PPM1B: variants seen among roughly 807,000 people sequenced by gnomAD.
PPM1B encodes the protein protein phosphatase, Mg2+/Mn2+ dependent 1B.
Under a neutral mutation model 43.0 loss-of-function variants are expected in PPM1B, and 22 were observed. That is an observed-to-expected ratio of 0.51 (90% CI 0.37 to 0.73). The LOEUF (loss-of-function observed/expected upper bound fraction) is 0.73. Among genes scored for constraint, PPM1B ranks in the 30% least tolerant of loss-of-function variants. The pLI is 0.00. For synonymous variants in PPM1B, 217 were observed against 197.9 expected, an observed-to-expected ratio of 1.10 and a Z score of -0.81; for missense variants, 632 against 584.2, an observed-to-expected ratio of 1.08 and a Z score of -0.84.
At chr2:44,240,789 TGGAG>T (rs1297217875) in intron 5 of PPM1B, among the ~76,000 whole-genome samples, 1 of 143,756 alleles carries the variant, frequency 7.0e-6, no homozygotes, top group Non-Finnish European at 1.5e-5. Context: ...CTCAGTAAAA[TGGAG>T]GGAGCGCTAA....
chr2:44,201,884 A>G lies in PPM1B; in HGVS notation c.685A>G (p.Ile229Val). 1.9e-6 allele frequency: 3 copies of G among 1,614,172 alleles called. No individual in the cohort carries two copies. The highest frequency in any genetic ancestry group is 2.5e-6 in the Non-Finnish European group (3 of 1,180,024). ...TTCTCCAGAGCCTGAGGTTTATGAA[A>G]TTTTAAGAGCAGAAGAGGATGAATT... is the stretch of plus-strand genomic sequence containing the variant. Reference protein sequence around the residue: ...LVSPEPEVYEILRAEEDEFII... With the variant: ...LVSPEPEVYEVLRAEEDEFII... Residue 229 changes from isoleucine to valine, a missense_variant, in exon 2 of 6, where the codon ATT (isoleucine) becomes GTT (valine). Physicochemically the swap from Ile to Val is conservative, Grantham distance 29. Coordinates refer to ENST00000282412, the MANE Select transcript of PPM1B (RefSeq NM_002706.6). This position sits in a 1 kb window ranked among gnomAD's most constrained non-coding sequence, Gnocchi z 5.4.
chr2:44,191,718 C>A (rs1668412546), intron 1 of PPM1B, among the ~76,000 whole-genome samples: 1 of 152,066 alleles, frequency 6.6e-6, no homozygotes, highest in South Asian at 2.1e-4. Flanking sequence ...TACTCTATAA[C>A]CAACAATTCT....
Position 44,201,875 on chromosome 2 carries a change from G to A in PPM1B, c.676G>A (p.Val226Ile), listed in dbSNP as rs1225449388. ...TEQLVSPEPE[V>I]YEILRAEEDE... ...ACAACTTGTTTCTCCAGAGCCTGAG[G>A]TTTATGAAATTTTAAGAGCAGAAGA... Residue 226 changes from valine to isoleucine, a missense_variant, in exon 2 of 6, where the codon GTT becomes ATT. Coordinates refer to ENST00000282412, the MANE Select transcript of PPM1B (RefSeq NM_002706.6). The surrounding 1 kb of genome is among the most constrained non-coding windows in gnomAD (Gnocchi z 5.4). 8 of 1,614,164 alleles carry A rather than the reference G, an allele frequency of 5.0e-6. No homozygotes were observed. Among genetic ancestry groups the A allele is most frequent in the Non-Finnish European group, 6.8e-6 (8 of 1,180,020 alleles).
chr2:44,203,087 T>C (rs1218085084), intron 2 of PPM1B, among the ~76,000 whole-genome samples: 1 of 152,178 alleles, frequency 6.6e-6, no homozygotes, highest in Non-Finnish European at 1.5e-5. Context: ...AGAAAGTTTT[T>C]CAGAAAGGAT....
intron 5 of PPM1B, among the ~76,000 whole-genome samples, chr2:44,228,220 C>G (rs1348322664): frequency 1.5e-5 from 2 of 136,434 alleles, no homozygotes; most frequent in African/African-American, 2.7e-5. Context: ...GAGGGTCTCA[C>G]TCTGTCGTTC....
intron 5 of PPM1B, among the ~76,000 whole-genome samples, chr2:44,219,640 G>C (rs5024498): frequency 2.6e-5 from 4 of 152,144 alleles, no homozygotes; most frequent in African/African-American, 9.7e-5. Context: ...AGGTTCCTCA[G>C]AGTATTAAGA....
chr2:44,195,383 AT>A (rs936379218), intron 1 of PPM1B, among the ~76,000 whole-genome samples: 3 of 150,738 alleles, frequency 2.0e-5, no homozygotes, highest in Non-Finnish European at 4.4e-5. Context: ...TTTTTCCCCA[AT>A]TTTTTTTGGT....
At chr2:44,226,912 A>G (rs1670239340) in intron 5 of PPM1B, among the ~76,000 whole-genome samples, 1 of 149,152 alleles carries the variant, frequency 6.7e-6, no homozygotes, top group African/African-American at 2.4e-5. Context: ...CCCTTCCTGA[A>G]TAGATTAAAA....
chr2:44,220,259 A>AATAT lies in PPM1B; in HGVS notation c.1134+1725_1134+1726insTATA, dbSNP rs886343610. ...TCAACCCTCATGTGTAATCTTTAAA[A>AATAT]ATACATATATATATATATATATACC... On this transcript the variant is annotated intron_variant, in intron 5 of 5. Coordinates refer to ENST00000282412, the MANE Select transcript of PPM1B (RefSeq NM_002706.6). 5.9e-5 allele frequency among the ~76,000 whole-genome samples: 8 copies of AATAT among 134,852 alleles called. No homozygotes were observed. In the East Asian group the frequency reaches 1.8e-3, roughly 30 times the overall value. 88.5% of individuals were successfully genotyped at this position (134,852 alleles called of 152,430 possible).
chr2:44,205,377 G>GTGTGTGTGTGTGTGTGTGTGTGTT (rs1202195520), intron 2 of PPM1B, among the ~76,000 whole-genome samples: 38 of 151,492 alleles, frequency 2.5e-4, no homozygotes, highest in African/African-American at 9.0e-4. Flanking sequence ...GTGTGTGTGT[G>GTGTGTGTGTGTGTGTGTGTGTGTT]TGTAAGTGTC....
chr2:44,213,714 T>C (rs4952703), intron 3 of PPM1B: 140,028 of 152,220 alleles, frequency 0.92, 64,539 homozygotes, highest in East Asian at 1. Flanking sequence ...GCTTTTGAGT[T>C]TCAATGAGTC....
At chr2:44,180,747 A>C (rs1667835980) in intron 1 of PPM1B, among the ~76,000 whole-genome samples, 2 of 151,968 alleles carry the variant, frequency 1.3e-5, no homozygotes, top group Admixed American at 1.3e-4. Flanking sequence ...AGGAGCTAGG[A>C]CTACAGGCGT....
intron 1 of PPM1B, among the ~76,000 whole-genome samples, chr2:44,171,701 G>A (rs917377330): frequency 2.6e-5 from 4 of 151,928 alleles, no homozygotes; most frequent in Non-Finnish European, 5.9e-5. Flanking sequence ...GCGGTGGCGC[G>A]TGCTTGTAAT....
chr2:44,218,072 C>G lies in PPM1B; in HGVS notation c.1070C>G (p.Ala357Gly). Residue 357 changes from alanine (A) to glycine (G), a missense_variant, in exon 4 of 6, where the codon GCT becomes GGT. Physicochemically the swap from Ala to Gly is moderately conservative, Grantham distance 60 (BLOSUM62 0). Coordinates refer to ENST00000282412, the MANE Select transcript of PPM1B (RefSeq NM_002706.6). The stretch of plus-strand genomic sequence containing the variant: ...AATTTGCCTCCTGGGGGAGGTCTTG[C>G]TGGCAAGTAAGTAGAACAAAAAGCT... ...IPNLPPGGGLAGKRNVIEAVY... is the reference protein window; with the variant it reads ...IPNLPPGGGLGGKRNVIEAVY... 6.2e-7 allele frequency: 1 copy of G among 1,607,918 alleles called. No individual in the cohort carries two copies. Among genetic ancestry groups the G allele is most frequent in the Non-Finnish European group, 8.5e-7 (1 of 1,175,574 alleles).
In PPM1B at chr2:44,169,078, G is replaced by T; in HGVS notation, c.-211G>T. 1 of 183,814 alleles carries T rather than the reference G, an allele frequency of 5.4e-6. No homozygotes were observed. The highest frequency in any genetic ancestry group is 1.7e-4 in the East Asian group (1 of 5,758). 11.4% of individuals were successfully genotyped at this position (183,814 alleles called of 1,614,324 possible). A position where few individuals can be genotyped will look rare whatever the true frequency, so the allele number is the denominator to read the frequency against. On this transcript the variant is annotated 5_prime_UTR_variant, in exon 1 of 6. Coordinates refer to ENST00000282412, the MANE Select transcript of PPM1B (RefSeq NM_002706.6). ...GCGGCCGAATCGGCAACGGCGCTAG[G>T]GTGGAGAGAAGGCGGCATCGGCGGC...
intron 3 of PPM1B, 57 bp from the exon 4 acceptor site, chr2:44,217,909 TC>T: frequency 2.9e-6 from 3 of 1,041,378 alleles, no homozygotes; most frequent in Non-Finnish European, 4.1e-6. Context: ...TTGTTTCACT[TC>T]TTGGTGAGTA....
intron 1 of PPM1B, among the ~76,000 whole-genome samples, chr2:44,183,036 C>G (rs976954752): frequency 1.3e-5 from 2 of 152,194 alleles, no homozygotes; most frequent in African/African-American, 4.8e-5. Context: ...CTAGATTATC[C>G]TGTCACACTT....
chr2:44,204,011 C>T (rs147964024), intron 2 of PPM1B, among the ~76,000 whole-genome samples: 1 of 152,068 alleles, frequency 6.6e-6, no homozygotes, highest in East Asian at 1.9e-4. Flanking sequence ...AGATGGCATC[C>T]TAGAATCTCA....
At chr2:44,213,578 A>G (rs995663955) in intron 3 of PPM1B, 2 of 152,146 alleles carry the variant, frequency 1.3e-5, no homozygotes, top group Non-Finnish European at 2.9e-5. Flanking sequence ...GCAAATTTGG[A>G]GAATGGGGAT....
Sources: allele counts gnomAD v4.1 joint callset (sites outside exome capture counted in the v4.1 genomes callset), GRCh38; gene constraint gnomAD v4.1.1; non-coding constraint Gnocchi (gnomAD v3.1); transcripts MANE v1.5; gene names NCBI Gene and HGNC (gene_info 2026-07-23, HGNC 2026-07-21).